Variants in ADAMTS15 observed in about 807,000 individuals in gnomAD.
ADAMTS15 encodes A disintegrin and metalloproteinase with thrombospondin motifs 15.
A neutral mutation model predicts 79.1 loss-of-function variants in ADAMTS15; 35 were observed. The ratio of observed to expected loss-of-function variants is 0.44; its 90% CI spans 0.34 to 0.59. ADAMTS15 has a LOEUF of 0.59. ADAMTS15 is among the 20% of genes least tolerant of loss of function. The pLI is 0.02. For synonymous variants in ADAMTS15, 616 were observed against 567.3 expected (o/e 1.09, Z -1.22); for missense variants, 1,324 against 1,318.7 (o/e 1.00, Z -0.06).
At chr11:130,451,756 C>T (rs1483272544) in intron 1 of ADAMTS15, among the ~76,000 whole-genome samples, 1 of 152,166 alleles carries the variant, frequency 6.6e-6, no homozygotes, top group Non-Finnish European at 1.5e-5. Context: ...AGAACTCCTG[C>T]TGGGAATAGG....
In ADAMTS15 at chr11:130,448,844, C is replaced by G; in HGVS notation, c.-130C>G. On this transcript the variant is annotated 5_prime_UTR_variant, in exon 1 of 8. Coordinates refer to ENST00000299164, the MANE Select transcript of ADAMTS15 (RefSeq NM_139055.4). ...GAGGAGTCTCCCTCCCTTGGCTCTCCTTTCTGGGAACTGCCGGCTGTCCCG... is the reference window on the plus strand; with the variant it reads ...GAGGAGTCTCCCTCCCTTGGCTCTCGTTTCTGGGAACTGCCGGCTGTCCCG... The G allele has an allele frequency of 1.5e-6, 1 of 685,166 alleles. No homozygotes were observed. Among genetic ancestry groups the G allele is most frequent in the Non-Finnish European group, 2.1e-6 (1 of 475,156 alleles). 42.4% of individuals were successfully genotyped at this position (685,166 alleles called of 1,614,324 possible).
At chr11:130,470,186 GTATA>G (rs1421284406) in intron 5 of ADAMTS15, among the ~76,000 whole-genome samples, 2 of 67,176 alleles carry the variant, frequency 3.0e-5, no homozygotes, top group Non-Finnish European at 5.3e-5. Flanking sequence ...ATATATGTGT[GTATA>G]TATATATATA....
intron 4 of ADAMTS15, among the ~76,000 whole-genome samples, chr11:130,466,030 A>G (rs577521799): frequency 1.2e-4 from 18 of 151,464 alleles, no homozygotes; most frequent in Non-Finnish European, 2.1e-4. Context: ...CCGCCACCAC[A>G]CCTGGCTAAT....
intron 1 of ADAMTS15, chr11:130,450,172 C>G: frequency 1.0e-6 from 1 of 985,488 alleles, no homozygotes; most frequent in African/African-American, 1.7e-5. Flanking sequence ...GTTGGCCTGG[C>G]GCGGCCAATC....
Position 130,473,192 on chromosome 11 carries a change from G to T in ADAMTS15, c.2224G>T (p.Val742Leu), listed in dbSNP as rs749639106. The T allele has an allele frequency of 1.9e-6, 3 of 1,614,114 alleles. No individual in the cohort carries two copies. The highest frequency in any genetic ancestry group is 2.5e-6 in the Non-Finnish European group (3 of 1,180,050). The change falls in exon 8 of 8, where the codon GTG becomes TTG. Residue 742 changes from valine to leucine, a missense_variant. Coordinates refer to ENST00000299164, the MANE Select transcript of ADAMTS15 (RefSeq NM_139055.4). ...CAAGTACCTGCTCAACGGGCATTTCGTGGTGTCGGCGGTGGAGCGGGACCT... is the reference window on the plus strand; with the variant it reads ...CAAGTACCTGCTCAACGGGCATTTCTTGGTGTCGGCGGTGGAGCGGGACCT... ...QGKYLLNGHF[V>L]VSAVERDLVV...
At chr11:130,471,570 C>A (rs906974741) in intron 7 of ADAMTS15, among the ~76,000 whole-genome samples, 187 bp downstream of exon 7, 1 of 152,054 alleles carries the variant, frequency 6.6e-6, no homozygotes, top group African/African-American at 2.4e-5. Context: ...CTCATTCATT[C>A]ATTCATTCAT....
rs1937927184 is a variant in ADAMTS15, at chr11:130,449,885, C to T, written c.912C>T (p.Asp304=). 6.2e-7 allele frequency: 1 copy of T among 1,602,098 alleles called. No homozygotes were observed. Among genetic ancestry groups the T allele is most frequent in the Non-Finnish European group, 8.5e-7 (1 of 1,179,964 alleles). Residue 304 remains aspartate, a synonymous_variant, in exon 1 of 8, where the codon GAC becomes GAT. Transcript: ENST00000299164. This position sits in a 1 kb window ranked among gnomAD's most constrained non-coding sequence, Gnocchi z 7.8. ...AWQKKLNKVS[D]KHPEYWDTAI... ...AGAAGAAGCTGAACAAAGTGAGTGA[C>T]AAGCACCCCGAGTACTGGGACACTG... is the stretch of plus-strand genomic sequence containing the variant.
chr11:130,473,036 T>TC lies in ADAMTS15; in HGVS notation c.2079-6dup, dbSNP rs763499687. The stretch of plus-strand genomic sequence containing the variant: ...TTCTATCTGATGCACGGCCCCCCTT[T>TC]CCCCCGCCAGGCATGGCTACAATTT... On this transcript the variant is annotated splice_polypyrimidine_tract_variant and intron_variant, in intron 7 of 7. Coordinates refer to ENST00000299164, the MANE Select transcript of ADAMTS15 (RefSeq NM_139055.4). 7 of 1,611,646 alleles carry TC rather than the reference T, an allele frequency of 4.3e-6. No homozygotes were observed. The African/African-American group carries it at 6.7e-5, about 15-fold the overall frequency.
rs779739420 is a variant in ADAMTS15 at position 130,473,310 on chromosome 11, T to C, written c.2342T>C (p.Val781Ala). 6.2e-7 allele frequency: 1 copy of C among 1,612,972 alleles called. No homozygotes were observed. The highest frequency in any genetic ancestry group is 8.5e-7 in the Non-Finnish European group (1 of 1,179,988). ...ASRPILEPLT[V>A]EVLSVGKMTP... ...CGGCCCATCCTGGAGCCGCTGACCG[T>C]GGAGGTCCTCTCCGTGGGGAAGATG... is the stretch of plus-strand genomic sequence containing the variant. Residue 781 changes from valine to alanine, a missense_variant, in exon 8 of 8, where the codon GTG becomes GCG. Coordinates refer to ENST00000299164, the MANE Select transcript of ADAMTS15 (RefSeq NM_139055.4).
chr11:130,455,880 CCCTCTCCCCAGG>C (rs1228731621), intron 1 of ADAMTS15, among the ~76,000 whole-genome samples: 1 of 152,170 alleles, frequency 6.6e-6, no homozygotes, highest in East Asian at 1.9e-4. Context: ...TCCTGCCTCT[CCCTCTCCCCAGG>C]CCTCTCCCCA....
In ADAMTS15 at chr11:130,476,167, A is replaced by G. The variant is rs1224992658; in HGVS notation, c.*2346A>G. The G allele has an allele frequency of 6.6e-6, 1 of 152,050 alleles. No individual in the cohort carries two copies. Among genetic ancestry groups the G allele is most frequent in the African/African-American group, 2.4e-5 (1 of 41,384 alleles). 9.4% of individuals were successfully genotyped at this position (152,050 alleles called of 1,614,324 possible). On this transcript the variant is annotated 3_prime_UTR_variant, in exon 8 of 8. Transcript: ENST00000299164. ...CTCTCGAGGGCTGAGCAGAGACTAGACTCAAGGCACAGGTTTCTGGTGATG... is the reference window on the plus strand; with the variant it reads ...CTCTCGAGGGCTGAGCAGAGACTAGGCTCAAGGCACAGGTTTCTGGTGATG...
chr11:130,470,166 A>ATATATATATGTG, intron 5 of ADAMTS15, among the ~76,000 whole-genome samples: 2 of 57,582 alleles, frequency 3.5e-5, no homozygotes, highest in African/African-American at 2.1e-4. Flanking sequence ...ATATATATAT[A>ATATATATATGTG]TATATATATA....
intron 1 of ADAMTS15, among the ~76,000 whole-genome samples, chr11:130,455,714 G>A (rs368540598): frequency 3.3e-5 from 5 of 152,334 alleles, no homozygotes; most frequent in African/African-American, 1.2e-4. Flanking sequence ...CTCCAGAGAG[G>A]TGTGTGTTTA....
intron 1 of ADAMTS15, among the ~76,000 whole-genome samples, chr11:130,452,895 C>T (rs1440381327): frequency 1.3e-5 from 2 of 151,584 alleles, no homozygotes; most frequent in Non-Finnish European, 2.9e-5. Context: ...GCAGGAGAAT[C>T]ACTTGAACCT....
chr11:130,452,840 G>T (rs1311996566), intron 1 of ADAMTS15, among the ~76,000 whole-genome samples: 2 of 152,156 alleles, frequency 1.3e-5, no homozygotes, highest in Non-Finnish European at 2.9e-5. Context: ...AATTAGCTGG[G>T]CGTGGTGGCT....
Position 130,448,860 on chromosome 11 carries a change from G to C in ADAMTS15, c.-114G>C. 3.8e-6 allele frequency: 3 copies of C among 783,146 alleles called. No homozygotes were observed. The highest frequency in any genetic ancestry group is 4.6e-5 in the South Asian group (1 of 21,776). 48.5% of individuals were successfully genotyped at this position (783,146 alleles called of 1,614,324 possible). A position where few individuals can be genotyped will look rare whatever the true frequency, so the allele number is the denominator to read the frequency against. On this transcript the variant is annotated 5_prime_UTR_variant, in exon 1 of 8. Transcript: ENST00000299164. ...TTGGCTCTCCTTTCTGGGAACTGCC[G>C]GCTGTCCCGTAGCGTTGGCGGTTCC...
rs1350619461 is a variant in ADAMTS15 at position 130,462,487 on chromosome 11, C to T, written c.1259-10C>T. 1 of 1,577,218 alleles carries T rather than the reference C, an allele frequency of 6.3e-7. No homozygotes were observed. Among genetic ancestry groups the T allele is most frequent in the Middle Eastern group, 1.7e-4 (1 of 5,914 alleles). On this transcript the variant is annotated splice_polypyrimidine_tract_variant and intron_variant, in intron 3 of 7. Transcript: ENST00000299164. The surrounding 1 kb of genome is among the most constrained non-coding windows in gnomAD (Gnocchi z 4.3). ...AGCTCATCCTAACGAACGCCCTCGGCTCTCTGCAGGTGACTGCCTCCTGGA... is the reference window on the plus strand; with the variant it reads ...AGCTCATCCTAACGAACGCCCTCGGTTCTCTGCAGGTGACTGCCTCCTGGA...
intron 1 of ADAMTS15, 124 bp downstream of exon 1, chr11:130,450,054 C>G: frequency 1.5e-5 from 23 of 1,493,674 alleles, no homozygotes; most frequent in East Asian, 2.3e-5. Context: ...TGATCTCTTC[C>G]GACTCCAACT....
intron 5 of ADAMTS15, among the ~76,000 whole-genome samples, chr11:130,470,154 G>GTGTA (rs1330012057): frequency 1.6e-4 from 9 of 55,554 alleles, no homozygotes; most frequent in Admixed American, 6.3e-4. Context: ...ATATATATGT[G>GTGTA]TATATATATA....
Sources: gnomAD v4.1 joint callset for allele counts (sites outside exome capture counted in the v4.1 genomes callset) on GRCh38, gnomAD v4.1.1 for gene constraint, Gnocchi (gnomAD v3.1) non-coding constraint, MANE v1.5 for transcripts, NCBI Gene and HGNC (gene_info 2026-07-23, HGNC 2026-07-21) for gene names.